RAB7A: variants seen among roughly 807,000 people sequenced by gnomAD.
The protein encoded by RAB7A is ras-related protein Rab-7a.
Under a neutral mutation model 24.5 loss-of-function variants are expected in RAB7A, and 2 were observed. The observed-to-expected ratio is 0.08, with a 90% CI of 0.03 to 0.26. The LOEUF (loss-of-function observed/expected upper bound fraction) is 0.26. Ranked by LOEUF, RAB7A falls within the 10% of genes least tolerant of loss-of-function variation. The probability of loss-of-function intolerance (pLI) is 1.00; values close to 1 mark genes in which losing one functional copy is unlikely to be tolerated. For missense variants in RAB7A, 118 were observed against 255.7 expected (o/e 0.46, Z 3.67); for synonymous variants, 100 against 95.9 (o/e 1.04, Z -0.25).
At chr3:128,781,868 T>C (rs1232589445) in intron 1 of RAB7A, among the ~76,000 whole-genome samples, 4 of 151,892 alleles carry the variant, frequency 2.6e-5, no homozygotes, top group Non-Finnish European at 5.9e-5. Context: ...CAAAAATCAG[T>C]TGGGTGCGGT....
chr3:128,813,493 C>T lies in RAB7A; in HGVS notation c.*71C>T. The T allele has an allele frequency of 1.4e-6, 2 of 1,390,126 alleles. No individual in the cohort carries two copies. Among genetic ancestry groups the T allele is most frequent in the South Asian group, 2.3e-5 (2 of 86,508 alleles). 86.1% of individuals were successfully genotyped at this position (1,390,126 alleles called of 1,614,324 possible). On this transcript the variant is annotated 3_prime_UTR_variant, in exon 6 of 6. Coordinates refer to ENST00000265062, the MANE Select transcript of RAB7A (RefSeq NM_004637.6). ...ACACGTAGGCCTTCAACACAATTCC[C>T]CTCTCCTCTTCCAAACAAAACATAC...
chr3:128,797,775 A>G (rs1158317167), intron 2 of RAB7A, among the ~76,000 whole-genome samples, 168 bp from the exon 3 acceptor site: 1 of 152,228 alleles, frequency 6.6e-6, no homozygotes, highest in East Asian at 1.9e-4. Flanking sequence ...GAGAAAACAC[A>G]AAACTTCAAA....
intron 1 of RAB7A, among the ~76,000 whole-genome samples, chr3:128,783,020 G>A (rs978703935): frequency 6.6e-6 from 1 of 152,134 alleles, no homozygotes; most frequent in Non-Finnish European, 1.5e-5. Context: ...CTCTCACAGA[G>A]GCAGTGACCC....
chr3:128,810,189 G>A (rs1049026147), intron 5 of RAB7A, among the ~76,000 whole-genome samples: 16 of 151,450 alleles, frequency 1.1e-4, no homozygotes, highest in African/African-American at 3.6e-4. Flanking sequence ...ATTGTGAACC[G>A]CCCGCCTCAG....
chr3:128,776,271 T>G (rs1322017463), intron 1 of RAB7A, among the ~76,000 whole-genome samples: 1 of 152,122 alleles, frequency 6.6e-6, no homozygotes, highest in Non-Finnish European at 1.5e-5. Flanking sequence ...TGCCACGGTT[T>G]TTTTTTTCTT....
intron 1 of RAB7A, among the ~76,000 whole-genome samples, chr3:128,747,998 C>A (rs940887076): frequency 2.0e-5 from 3 of 152,152 alleles, no homozygotes; most frequent in African/African-American, 7.2e-5. Context: ...GAACTCCTGA[C>A]CTCAAATGAT....
chr3:128,761,278 T>C (rs1044782750), intron 1 of RAB7A, among the ~76,000 whole-genome samples: 31 of 152,218 alleles, frequency 2.0e-4, no homozygotes, highest in Non-Finnish European at 3.1e-4. Context: ...CTAACCCCTT[T>C]TGTGTTGAGA....
intron 2 of RAB7A, among the ~76,000 whole-genome samples, chr3:128,797,408 G>T (rs1213077468): frequency 6.6e-6 from 1 of 152,184 alleles, no homozygotes; most frequent in Non-Finnish European, 1.5e-5. Flanking sequence ...CATTCTTTGA[G>T]GTGGATTTGT....
chr3:128,797,992 A>C lies in RAB7A; in HGVS notation c.103A>C (p.Asn35His), dbSNP rs2107612129. ...CCAGTATGTGAATAAGAAATTCAGCAATCAGTACAAAGCCACAATAGGAGC... is the reference window on the plus strand; with the variant it reads ...CCAGTATGTGAATAAGAAATTCAGCCATCAGTACAAAGCCACAATAGGAGC... ...MNQYVNKKFSNQYKATIGADF... is the reference protein window; with the variant it reads ...MNQYVNKKFSHQYKATIGADF... Residue 35 changes from asparagine to histidine, a missense_variant, in exon 3 of 6, where the codon AAT becomes CAT. Transcript: ENST00000265062. 6.2e-7 allele frequency: 1 copy of C among 1,613,850 alleles called. No homozygotes were observed. The highest frequency in any genetic ancestry group is 8.5e-7 in the Non-Finnish European group (1 of 1,179,708).
intron 1 of RAB7A, among the ~76,000 whole-genome samples, chr3:128,743,061 T>G (rs2070571090): frequency 6.6e-6 from 1 of 152,216 alleles, no homozygotes; most frequent in African/African-American, 2.4e-5. Context: ...TCCAGAGCCC[T>G]GCCCCACGGG....
At chr3:128,776,352 C>G (rs1933086393) in intron 1 of RAB7A, among the ~76,000 whole-genome samples, 1 of 152,082 alleles carries the variant, frequency 6.6e-6, no homozygotes, top group Admixed American at 6.5e-5. Flanking sequence ...TCACTACAGC[C>G]TGGGTCTCCC....
At chr3:128,766,901 T>C (rs1559787252) in intron 1 of RAB7A, among the ~76,000 whole-genome samples, 4 of 152,156 alleles carry the variant, frequency 2.6e-5, no homozygotes, top group Non-Finnish European at 4.4e-5. Context: ...GCTGCACCAC[T>C]TTACATTCCC....
chr3:128,727,887 ACTT>A (rs988775542), intron 1 of RAB7A, among the ~76,000 whole-genome samples: 25 of 151,886 alleles, frequency 1.6e-4, no homozygotes, highest in African/African-American at 5.6e-4. Flanking sequence ...AGTTAGGAGT[ACTT>A]CTTCTGAAGA....
intron 1 of RAB7A, among the ~76,000 whole-genome samples, chr3:128,730,537 T>C (rs1481113877): frequency 1.3e-5 from 2 of 152,212 alleles, no homozygotes; most frequent in Non-Finnish European, 2.9e-5. Flanking sequence ...CTAAAACTTA[T>C]TTTTAAAACA....
chr3:128,807,694 G>A (rs917293979), intron 5 of RAB7A, 23 bp downstream of exon 5: 2 of 1,613,846 alleles, frequency 1.2e-6, no homozygotes, highest in Middle Eastern at 3.4e-4. Context: ...CAGCTGACCA[G>A]CCCACTCTGG....
intron 1 of RAB7A, among the ~76,000 whole-genome samples, chr3:128,792,860 T>TATTCATTC (rs1227226227): frequency 6.6e-5 from 8 of 120,600 alleles, no homozygotes; most frequent in Non-Finnish European, 1.1e-4. Flanking sequence ...TTTATTTATT[T>TATTCATTC]ATTCATTTGA....
intron 1 of RAB7A, among the ~76,000 whole-genome samples, chr3:128,761,161 T>C (rs929428822): frequency 3.9e-5 from 6 of 152,196 alleles, no homozygotes; most frequent in Non-Finnish European, 7.3e-5. Flanking sequence ...CTGGCCTGTA[T>C]TCTTCTAAGA....
chr3:128,780,528 A>G (rs1933195945), intron 1 of RAB7A, among the ~76,000 whole-genome samples: 2 of 152,330 alleles, frequency 1.3e-5, no homozygotes, highest in African/African-American at 4.8e-5. Flanking sequence ...TTGAAGTAAG[A>G]AAGTGTTTAC....
rs757917555 is a variant in RAB7A, at chr3:128,814,262, G to T, written c.*840G>T. 1 of 152,944 alleles carries T rather than the reference G, an allele frequency of 6.5e-6. No individual in the cohort carries two copies. Among genetic ancestry groups the T allele is most frequent in the Non-Finnish European group, 1.5e-5 (1 of 68,130 alleles). 9.5% of individuals were successfully genotyped at this position (152,944 alleles called of 1,614,324 possible). ...TGTACGCCTTTTATCAAAGACTTAAGAGCCAAAAAGCTTTTCATCTCTCCA... is the reference window on the plus strand; with the variant it reads ...TGTACGCCTTTTATCAAAGACTTAATAGCCAAAAAGCTTTTCATCTCTCCA... On this transcript the variant is annotated 3_prime_UTR_variant, in exon 6 of 6. Transcript: ENST00000265062.
Sources: gnomAD v4.1 joint callset for allele counts (sites outside exome capture counted in the v4.1 genomes callset) on GRCh38, gnomAD v4.1.1 for gene constraint, MANE v1.5 for transcripts, NCBI Gene and HGNC (gene_info 2026-07-23, HGNC 2026-07-21) for gene names.